Variants in TLK2 observed in about 807,000 individuals in gnomAD.
The protein encoded by TLK2 is tousled like kinase 2.
TLK2 carries 6 observed loss-of-function variants against 117.3 expected under a neutral mutation model. The observed-to-expected ratio is 0.05, with a 90% CI of 0.03 to 0.10. TLK2 has a LOEUF of 0.10. Ranked by LOEUF, TLK2 falls within the 10% of genes least tolerant of loss-of-function variation. The pLI, the probability that TLK2 is intolerant of heterozygous loss-of-function variation, is 1.00. For synonymous variants in TLK2, 257 were observed against 316.7 expected, an observed-to-expected ratio of 0.81 and a Z score of 2.00; for missense variants, 299 against 901.2, an observed-to-expected ratio of 0.33 and a Z score of 8.56.
intron 6 of TLK2, among the ~76,000 whole-genome samples, chr17:62,534,881 CTTTTTT>C (rs386386398): frequency 1.2e-4 from 9 of 72,984 alleles, no homozygotes; most frequent in African/African-American, 2.3e-4. Flanking sequence ...TAATTCCAGT[CTTTTTT>C]TTTTTTTTTT....
chr17:62,557,259 C>T (rs2078929256), intron 9 of TLK2, among the ~76,000 whole-genome samples: 1 of 152,000 alleles, frequency 6.6e-6, no homozygotes, highest in Non-Finnish European at 1.5e-5. Context: ...TGCTTTTTTC[C>T]CTCATCTAAT....
At chr17:62,476,168 CG>C (rs1166313005), upstream of TLK2, among the ~76,000 whole-genome samples, 1 of 151,610 alleles carries the variant, frequency 6.6e-6, no homozygotes, top group Non-Finnish European at 1.5e-5. Flanking sequence ...TTAGTAGACA[CG>C]GGGTTTCACC....
intron 2 of TLK2, among the ~76,000 whole-genome samples, chr17:62,485,372 C>T (rs2072215904): frequency 3.3e-5 from 5 of 152,242 alleles, no homozygotes; most frequent in Admixed American, 3.3e-4. Flanking sequence ...GAGTTTTTTC[C>T]ACCTGCAAAT....
At chr17:62,607,012 CTTTTTT>C (rs10680028) in intron 20 of TLK2, among the ~76,000 whole-genome samples, 1 of 123,566 alleles carries the variant, frequency 8.1e-6, no homozygotes. Flanking sequence ...TCTCCTTGGT[CTTTTTT>C]TTTTTTTTTT....
In TLK2 at chr17:62,576,848, C is replaced by A. The variant is rs934212618; in HGVS notation, c.1188+73C>A. 3.3e-6 allele frequency: 4 copies of A among 1,204,806 alleles called. No individual in the cohort carries two copies. In the South Asian group the frequency reaches 3.7e-5, roughly 11 times the overall value. 74.6% of individuals were successfully genotyped at this position (1,204,806 alleles called of 1,614,324 possible). On this transcript the variant is annotated intron_variant, in intron 13 of 21. Transcript: ENST00000346027. ...AAATTTGGGGTTGAAGCTATTTGGT[C>A]ATTTGGGTGAATGTAATAGTAGCTG... is the stretch of plus-strand genomic sequence containing the variant.
chr17:62,488,161 C>G (rs1348809249), intron 2 of TLK2, among the ~76,000 whole-genome samples: 11 of 151,790 alleles, frequency 7.2e-5, no homozygotes, highest in African/African-American at 1.7e-4. Context: ...TCTCGAACTC[C>G]TGACCTCTGG....
intron 12 of TLK2, chr17:62,574,455 C>T (rs770209996): frequency 3.1e-5 from 28 of 894,310 alleles, no homozygotes; most frequent in South Asian, 2.8e-4. Context: ...TTAAGTATAG[C>T]GATAAAAATG....
intron 2 of TLK2, among the ~76,000 whole-genome samples, chr17:62,493,563 G>A (rs1364293220): frequency 1.3e-5 from 2 of 152,162 alleles, no homozygotes; most frequent in Non-Finnish European, 2.9e-5. Flanking sequence ...CTCCTCTCAG[G>A]CCTTATTAAT....
chr17:62,596,724 G>A, intron 17 of TLK2, 50 bp downstream of exon 17: 1 of 1,516,814 alleles, frequency 6.6e-7, no homozygotes. Context: ...TTCTTGCAAT[G>A]CTGATTGTTC....
chr17:62,556,781 A>G (rs1200351148), intron 9 of TLK2, among the ~76,000 whole-genome samples: 2 of 152,042 alleles, frequency 1.3e-5, no homozygotes, highest in African/African-American at 4.8e-5. Flanking sequence ...CTTGACTCTT[A>G]GCTTGAATCT....
intron 15 of TLK2, among the ~76,000 whole-genome samples, chr17:62,583,647 T>TCA (rs1454111348): frequency 6.6e-6 from 1 of 152,148 alleles, no homozygotes; most frequent in Non-Finnish European, 1.5e-5. Context: ...TGATCTTGGC[T>TCA]CACTGCTGCA....
chr17:62,502,221 T>C (rs2074264946), intron 2 of TLK2, among the ~76,000 whole-genome samples: 1 of 152,024 alleles, frequency 6.6e-6, no homozygotes, highest in Non-Finnish European at 1.5e-5. Flanking sequence ...AATTGGATTA[T>C]CCCAGTTGCA....
At chr17:62,546,863 T>A (rs1258678751) in intron 7 of TLK2, among the ~76,000 whole-genome samples, 1 of 152,122 alleles carries the variant, frequency 6.6e-6, no homozygotes. Context: ...CCCGGCCTCT[T>A]CTGGGAGATT....
chr17:62,493,680 A>C (rs1396576701), intron 2 of TLK2, among the ~76,000 whole-genome samples: 3 of 152,236 alleles, frequency 2.0e-5, no homozygotes, highest in Admixed American at 2.0e-4. Flanking sequence ...ATGACAGTCA[A>C]ATTGCAACTA....
chr17:62,517,963 G>C (rs2075746839), intron 2 of TLK2, among the ~76,000 whole-genome samples: 1 of 152,206 alleles, frequency 6.6e-6, no homozygotes, highest in Non-Finnish European at 1.5e-5. Flanking sequence ...CTCCCAAAGT[G>C]CTGGGATTAC....
chr17:62,573,725 C>A (rs116473785), intron 12 of TLK2, among the ~76,000 whole-genome samples: 258 of 152,292 alleles, frequency 1.7e-3, no homozygotes, highest in African/African-American at 5.9e-3. Flanking sequence ...AGTTACCTGG[C>A]TGTTATTTCA....
At chr17:62,607,422 G>A (rs1598909537) in intron 20 of TLK2, among the ~76,000 whole-genome samples, 1 of 151,566 alleles carries the variant, frequency 6.6e-6, no homozygotes, top group Non-Finnish European at 1.5e-5. Flanking sequence ...CCAGCTACTC[G>A]GGAGGCTGAG....
rs9675257 is a variant in TLK2 at position 62,487,701 on chromosome 17, G to A, written c.81+6495G>A. Among the ~76,000 whole-genome samples the A allele has an allele frequency of 5.4e-3, 665 of 122,428 alleles. 4 individuals are homozygous for A. The highest frequency in any genetic ancestry group is 0.019 in the African/African-American group (631 of 32,648). The allele number at this position is 122,428 out of a possible 152,430, so 80.3% of individuals were successfully genotyped here. A position where few individuals can be genotyped will look rare whatever the true frequency, so the allele number is the denominator to read the frequency against. Reference sequence around the variant, plus strand: ...TGCAATGGCATGATCTCGGCTCACCGCAACATCCGCCTCCCAGGTCCAAGT... The same window carrying A: ...TGCAATGGCATGATCTCGGCTCACCACAACATCCGCCTCCCAGGTCCAAGT... On this transcript the variant is annotated intron_variant, in intron 2 of 21. Coordinates refer to ENST00000346027, the MANE Select transcript of TLK2 (RefSeq NM_006852.6).
chr17:62,488,734 C>G (rs1490809605), intron 2 of TLK2, among the ~76,000 whole-genome samples: 1 of 151,664 alleles, frequency 6.6e-6, no homozygotes, highest in Non-Finnish European at 1.5e-5. Flanking sequence ...TTGGTTACCA[C>G]AGAAATTACA....
Sources: gnomAD v4.1 joint callset for allele counts (sites outside exome capture counted in the v4.1 genomes callset) on GRCh38, gnomAD v4.1.1 for gene constraint, MANE v1.5 for transcripts, NCBI Gene and HGNC (gene_info 2026-07-23, HGNC 2026-07-21) for gene names.